Variants in SPAST observed in about 807,000 individuals in gnomAD.
SPAST encodes spastic paraplegia 4 (autosomal dominant; spastin).
In SPAST, 30 loss-of-function variants were observed where a neutral mutation model predicts 76.6. The observed-to-expected ratio is 0.39, with a 90% CI of 0.29 to 0.53. The LOEUF is 0.53. Ranked by LOEUF, SPAST falls within the 20% of genes least tolerant of loss-of-function variation. The pLI, the probability that SPAST is intolerant of heterozygous loss-of-function variation, is 0.68. For synonymous variants in SPAST, 305 were observed against 281.0 expected, an observed-to-expected ratio of 1.09 and a Z score of -0.86; for missense variants, 717 against 770.5, an observed-to-expected ratio of 0.93 and a Z score of 0.82.
chr2:32,131,642 T>G (rs1420610069), intron 9 of SPAST, among the ~76,000 whole-genome samples: 1 of 151,942 alleles, frequency 6.6e-6, no homozygotes, highest in Non-Finnish European at 1.5e-5. Context: ...AGTGTGGCCT[T>G]TCATTAAAAA....
intron 7 of SPAST, among the ~76,000 whole-genome samples, chr2:32,123,080 G>T (rs1173210968): frequency 6.6e-6 from 1 of 151,998 alleles, no homozygotes; most frequent in Non-Finnish European, 1.5e-5. Flanking sequence ...TGACCAATAT[G>T]GTGAAACCCC....
At chr2:32,069,697 C>T (rs1372291714) in intron 1 of SPAST, among the ~76,000 whole-genome samples, 3 of 152,014 alleles carry the variant, frequency 2.0e-5, no homozygotes, top group South Asian at 2.1e-4. Context: ...GCTGGGACTA[C>T]AGGCGCCTGC....
At chr2:32,097,936 G>C (rs937314958) in intron 3 of SPAST, among the ~76,000 whole-genome samples, 1 of 151,820 alleles carries the variant, frequency 6.6e-6, no homozygotes, top group African/African-American at 2.4e-5. Flanking sequence ...CTGACCTCCT[G>C]ATCTGCCTGC....
At chr2:32,154,126 A>G (rs1469877855) in intron 16 of SPAST, among the ~76,000 whole-genome samples, 1 of 152,216 alleles carries the variant, frequency 6.6e-6, no homozygotes, top group African/African-American at 2.4e-5. Flanking sequence ...TTATGCTTTC[A>G]AATGTTAATA....
intron 3 of SPAST, among the ~76,000 whole-genome samples, chr2:32,094,610 G>A (rs1677851910): frequency 6.6e-6 from 1 of 152,190 alleles, no homozygotes; most frequent in African/African-American, 2.4e-5. Flanking sequence ...AACACGCAGG[G>A]CTGTAAAGGC....
At chr2:32,152,665 G>GT (rs1329683820) in intron 16 of SPAST, among the ~76,000 whole-genome samples, 1 of 152,034 alleles carries the variant, frequency 6.6e-6, no homozygotes, top group Non-Finnish European at 1.5e-5. Context: ...GGAAGAGGCA[G>GT]TGTGTGTGTT....
chr2:32,069,618 G>A lies in SPAST; in HGVS notation c.415+5372G>A, dbSNP rs895061036. Among the ~76,000 whole-genome samples the A allele has an allele frequency of 2.0e-5, 3 of 150,194 alleles. No individual in the cohort carries two copies. In the East Asian group the frequency reaches 5.9e-4, roughly 30 times the overall value. On this transcript the variant is annotated intron_variant, in intron 1 of 16. Coordinates refer to ENST00000315285, the MANE Select transcript of SPAST (RefSeq NM_014946.4). ...GTCACCCAGGCTGGAGTGCAGTGGC[G>A]AGATCTCAGCTCGCTGCAAGCCCCG...
intron 4 of SPAST, among the ~76,000 whole-genome samples, chr2:32,101,685 G>A (rs552745306): frequency 1.3e-5 from 2 of 152,068 alleles, no homozygotes; most frequent in Non-Finnish European, 2.9e-5. Context: ...TTTCAGCTTT[G>A]TACGTTTGGC....
At chr2:32,110,113 T>G (rs1172868568) in intron 4 of SPAST, among the ~76,000 whole-genome samples, 3 of 147,418 alleles carry the variant, frequency 2.0e-5, no homozygotes, top group Non-Finnish European at 3.0e-5. Context: ...TGTTTTTTTT[T>G]TTTGTTTTTT....
intron 12 of SPAST, among the ~76,000 whole-genome samples, chr2:32,140,564 C>A (rs886761156): frequency 1.3e-5 from 2 of 151,866 alleles, no homozygotes; most frequent in African/African-American, 4.8e-5. Flanking sequence ...TTGCAGTGAG[C>A]CAAGACGGCG....
chr2:32,073,067 C>G (rs1676816230), intron 1 of SPAST, among the ~76,000 whole-genome samples: 1 of 140,216 alleles, frequency 7.1e-6, no homozygotes, highest in Non-Finnish European at 1.6e-5. Context: ...ATCCCTTGTT[C>G]TGTTTTTAGC....
intron 16 of SPAST, among the ~76,000 whole-genome samples, chr2:32,150,493 A>C (rs1436156442): frequency 2.6e-5 from 4 of 151,730 alleles, no homozygotes; most frequent in Non-Finnish European, 5.9e-5. Context: ...GCTGGAGTGC[A>C]GTGGTACAAT....
chr2:32,148,069 A>G (rs1193585563), intron 16 of SPAST, among the ~76,000 whole-genome samples: 2 of 150,776 alleles, frequency 1.3e-5, no homozygotes, highest in Non-Finnish European at 2.9e-5. Flanking sequence ...AGTAGCTGGG[A>G]CTACAGGCAA....
chr2:32,086,168 G>A (rs1429064750), intron 1 of SPAST, among the ~76,000 whole-genome samples: 4 of 151,516 alleles, frequency 2.6e-5, no homozygotes, highest in Non-Finnish European at 5.9e-5. Flanking sequence ...GATTAAATGG[G>A]GACATGAGGC....
chr2:32,141,206 T>C (rs1679709488), intron 12 of SPAST, among the ~76,000 whole-genome samples: 1 of 152,206 alleles, frequency 6.6e-6, no homozygotes, highest in Non-Finnish European at 1.5e-5. Flanking sequence ...CTAAAAAATA[T>C]TGGTCACTGC....
chr2:32,140,312 T>G (rs1300516010), intron 12 of SPAST, among the ~76,000 whole-genome samples: 1 of 152,226 alleles, frequency 6.6e-6, no homozygotes, highest in Non-Finnish European at 1.5e-5. Context: ...TCTGTTTTAT[T>G]TCTTTGAGCA....
intron 3 of SPAST, among the ~76,000 whole-genome samples, chr2:32,097,698 C>CT (rs11442450): frequency 0.42 from 54,423 of 130,440 alleles, 11,592 homozygotes; most frequent in East Asian, 0.64. Context: ...TTTTTCTTTT[C>CT]TTTTTTTTTT....
chr2:32,103,033 A>C (rs1351252855), intron 4 of SPAST, among the ~76,000 whole-genome samples: 1 of 152,206 alleles, frequency 6.6e-6, no homozygotes, highest in Non-Finnish European at 1.5e-5. Flanking sequence ...ATCATTTCAG[A>C]AGGAATGGTA....
At chr2:32,144,209 C>T (rs1679813619) in intron 14 of SPAST, among the ~76,000 whole-genome samples, 5 of 152,206 alleles carry the variant, frequency 3.3e-5, no homozygotes, top group Admixed American at 3.3e-4. Context: ...GTCTCTTCTA[C>T]TCCAGACCTT....
Sources: gnomAD v4.1 joint callset for allele counts (sites outside exome capture counted in the v4.1 genomes callset) on GRCh38, gnomAD v4.1.1 for gene constraint, MANE v1.5 for transcripts, NCBI Gene and HGNC (gene_info 2026-07-23, HGNC 2026-07-21) for gene names.